Variants in SPOCK1 observed in about 807,000 individuals in gnomAD.
SPOCK1 encodes the protein SPARC (osteonectin), cwcv and kazal like domains proteoglycan 1.
Under a neutral mutation model 55.3 loss-of-function variants are expected in SPOCK1, and 23 were observed. The observed-to-expected ratio is 0.42, with a 90% confidence interval of 0.30 to 0.59. The LOEUF (loss-of-function observed/expected upper bound fraction) is 0.59. Among genes scored for constraint, SPOCK1 ranks in the 20% least tolerant of loss-of-function variants. The probability of loss-of-function intolerance (pLI) is 0.22; values close to 1 mark genes in which losing one functional copy is unlikely to be tolerated. For missense variants in SPOCK1, 499 were observed against 552.5 expected (o/e 0.90, Z 0.97); for synonymous variants, 226 against 221.0 (o/e 1.02, Z -0.20).
intron 6 of SPOCK1, among the ~76,000 whole-genome samples, chr5:137,021,207 T>C (rs949500930): frequency 2.0e-5 from 3 of 152,132 alleles, no homozygotes; most frequent in Non-Finnish European, 2.9e-5. Flanking sequence ...ACAGCAAATG[T>C]GATTGAAATT....
At chr5:136,989,304 T>C (rs1280023131) in intron 7 of SPOCK1, among the ~76,000 whole-genome samples, 1 of 152,236 alleles carries the variant, frequency 6.6e-6, no homozygotes, top group African/African-American at 2.4e-5. Context: ...AATTATTTGT[T>C]TCCACAATGG....
At chr5:137,167,441 C>T (rs1043881459) in intron 3 of SPOCK1, among the ~76,000 whole-genome samples, 2 of 151,560 alleles carry the variant, frequency 1.3e-5, no homozygotes, top group African/African-American at 4.8e-5. Context: ...AAACATAGGA[C>T]TTAATCTGCA....
intron 2 of SPOCK1, among the ~76,000 whole-genome samples, chr5:137,451,303 G>A (rs536261793): frequency 6.6e-6 from 1 of 152,136 alleles, no homozygotes. Context: ...GCACAACGCA[G>A]AATGTTTTTC....
intron 6 of SPOCK1, among the ~76,000 whole-genome samples, chr5:137,018,010 T>C (rs933365868): frequency 2.6e-5 from 4 of 152,260 alleles, no homozygotes; most frequent in African/African-American, 9.6e-5. Flanking sequence ...TTAATTGCCC[T>C]GTGTCAGCTT....
rs1175222820 is a variant in SPOCK1, at chr5:136,978,078, T to A, written c.*576A>T. ...TGAATTCCCCAAAGGGAGTCTTGAC[T>A]GAATTAAGGCTGTTGTTTATAGGAA... On this transcript the variant is annotated 3_prime_UTR_variant, in exon 11 of 11. Transcript: ENST00000394945. 5.0e-6 allele frequency: 2 copies of A among 397,544 alleles called. No individual in the cohort carries two copies. Among genetic ancestry groups the A allele is most frequent in the East Asian group, 7.1e-5 (2 of 28,056 alleles). 24.6% of individuals were successfully genotyped at this position (397,544 alleles called of 1,614,324 possible). A position where few individuals can be genotyped will look rare whatever the true frequency, so the allele number is the denominator to read the frequency against.
intron 2 of SPOCK1, among the ~76,000 whole-genome samples, chr5:137,417,581 T>C (rs546004247): frequency 1.2e-4 from 18 of 152,264 alleles, no homozygotes; most frequent in South Asian, 4.1e-4. Flanking sequence ...TCTGTCACAA[T>C]TGATAAATGT....
intron 3 of SPOCK1, among the ~76,000 whole-genome samples, chr5:137,156,532 A>G (rs1754420863): frequency 6.6e-6 from 1 of 151,848 alleles, no homozygotes; most frequent in African/African-American, 2.4e-5. Flanking sequence ...AGTGACCTTC[A>G]CTGAGCACCT....
intron 4 of SPOCK1, among the ~76,000 whole-genome samples, chr5:137,119,015 A>C (rs113992877): frequency 0.011 from 1,701 of 152,178 alleles, 40 homozygotes; most frequent in African/African-American, 0.039. Flanking sequence ...CTATTAATAA[A>C]CCCATTTTAC....
intron 3 of SPOCK1, among the ~76,000 whole-genome samples, chr5:137,243,225 C>T (rs570966060): frequency 9.8e-5 from 15 of 152,296 alleles, no homozygotes; most frequent in African/African-American, 3.6e-4. Context: ...TTTCTCTTAA[C>T]AGCTAATACC....
chr5:137,279,911 T>G (rs1310693627), intron 2 of SPOCK1, among the ~76,000 whole-genome samples: 1 of 152,216 alleles, frequency 6.6e-6, no homozygotes, highest in African/African-American at 2.4e-5. Context: ...CCTGCCCTCT[T>G]TCCCTCCTAA....
intron 3 of SPOCK1, among the ~76,000 whole-genome samples, chr5:137,185,592 T>C (rs10072007): frequency 0.88 from 133,597 of 152,228 alleles, 58,722 homozygotes; most frequent in African/African-American, 0.92. Context: ...ATCTAGGGCC[T>C]TCTGAGGCTC....
intron 3 of SPOCK1, among the ~76,000 whole-genome samples, chr5:137,245,774 A>AC (rs60920672): frequency 0.014 from 956 of 66,116 alleles, 21 homozygotes; most frequent in African/African-American, 0.064. Context: ...AACAAAACAA[A>AC]ACAAAAAAAA....
At chr5:137,051,188 A>C (rs1395817689) in intron 6 of SPOCK1, among the ~76,000 whole-genome samples, 1 of 152,238 alleles carries the variant, frequency 6.6e-6, no homozygotes, top group East Asian at 1.9e-4. Flanking sequence ...CACACAAAAT[A>C]CAGTTTCAGT....
chr5:137,177,997 G>A (rs1754889828), intron 3 of SPOCK1, among the ~76,000 whole-genome samples: 1 of 152,178 alleles, frequency 6.6e-6, no homozygotes, highest in South Asian at 2.1e-4. Flanking sequence ...AGGAAAATGT[G>A]CCTGACACCG....
At chr5:137,258,646 T>A (rs576683098) in intron 3 of SPOCK1, among the ~76,000 whole-genome samples, 1 of 152,318 alleles carries the variant, frequency 6.6e-6, no homozygotes, top group East Asian at 1.9e-4. Flanking sequence ...GGGACTGTTG[T>A]TCTAGCAGGT....
intron 3 of SPOCK1, among the ~76,000 whole-genome samples, chr5:137,173,758 T>A (rs1285611905): frequency 1.3e-5 from 2 of 152,198 alleles, no homozygotes; most frequent in African/African-American, 4.8e-5. Flanking sequence ...TCTTTGCATT[T>A]ATCAAATCTC....
Position 137,084,079 on chromosome 5 carries a change from T to A in SPOCK1, c.475-16250A>T, listed in dbSNP as rs185752370. Among the ~76,000 whole-genome samples, 217 of 152,260 alleles carry A rather than the reference T, an allele frequency of 1.4e-3. 1 individual carries two copies. The highest frequency in any genetic ancestry group is 8.3e-4 in the South Asian group (4 of 4,816). ...TTACCAGGATTAGCCAGGATTATGA[T>A]GAGAGTTCAGCTCAGTGCCCAGTGC... On this transcript the variant is annotated intron_variant, in intron 5 of 10. Transcript: ENST00000394945.
At chr5:137,285,309 C>A (rs2905559) in intron 2 of SPOCK1, among the ~76,000 whole-genome samples, 120,618 of 152,228 alleles carry the variant, frequency 0.79, 47,910 homozygotes, top group Admixed American at 0.83. Flanking sequence ...ACATGCTCAA[C>A]CACAGCAGCA....
intron 2 of SPOCK1, among the ~76,000 whole-genome samples, chr5:137,302,386 A>T (rs976848000): frequency 1.4e-5 from 2 of 146,350 alleles, no homozygotes; most frequent in Non-Finnish European, 3.0e-5. Flanking sequence ...TGGCCAACAC[A>T]GTGAAACCCC....
Sources: gnomAD v4.1 joint callset for allele counts (sites outside exome capture counted in the v4.1 genomes callset) on GRCh38, gnomAD v4.1.1 for gene constraint, MANE v1.5 for transcripts, NCBI Gene and HGNC (gene_info 2026-07-23, HGNC 2026-07-21) for gene names.